The following SARNP variants were observed in gnomAD, a reference collection of about 807,000 sequenced individuals.
SARNP encodes SAP domain-containing ribonucleoprotein.
In SARNP, 5 loss-of-function variants were observed where a neutral mutation model predicts 38.1. The ratio of observed to expected loss-of-function variants is 0.13; its 90% CI spans 0.07 to 0.28. The LOEUF (loss-of-function observed/expected upper bound fraction) is 0.28, where lower values mean the gene tolerates loss of function less well. Among genes scored for constraint, SARNP ranks in the 10% least tolerant of loss-of-function variants. The pLI, the probability that SARNP is intolerant of heterozygous loss-of-function variation, is 1.00. For synonymous variants in SARNP, 84 were observed against 80.6 expected, an observed-to-expected ratio of 1.04 and a Z score of -0.23; for missense variants, 180 against 243.9, an observed-to-expected ratio of 0.74 and a Z score of 1.75.
At chr12:55,807,767 T>TCGTGCCACTGTACTTCCA (rs1880197719) in intron 1 of SARNP, among the ~76,000 whole-genome samples, 1 of 150,392 alleles carries the variant, frequency 6.6e-6, no homozygotes, top group Admixed American at 6.6e-5. Flanking sequence ...TGAGCCGAGA[T>TCGTGCCACTGTACTTCCA]CGTGCCACTG....
At chr12:55,764,220 T>C (rs1230745095) in intron 9 of SARNP, among the ~76,000 whole-genome samples, 1 of 152,122 alleles carries the variant, frequency 6.6e-6, no homozygotes, top group Non-Finnish European at 1.5e-5. Context: ...TTCCATTTGT[T>C]GAGATGTAAT....
At chr12:55,770,301 C>T (rs1032600367) in intron 9 of SARNP, among the ~76,000 whole-genome samples, 5 of 150,758 alleles carry the variant, frequency 3.3e-5, no homozygotes, top group South Asian at 2.1e-4. Flanking sequence ...TCTCAGCTCA[C>T]TGCAAGCTCC....
intron 1 of SARNP, among the ~76,000 whole-genome samples, chr12:55,806,177 T>C (rs1367786908): frequency 6.6e-6 from 1 of 152,174 alleles, no homozygotes; most frequent in African/African-American, 2.4e-5. Flanking sequence ...CTTATGTGAA[T>C]AACTTCACCT....
intron 7 of SARNP, among the ~76,000 whole-genome samples, chr12:55,792,249 A>C (rs956414807): frequency 6.6e-6 from 1 of 152,214 alleles, no homozygotes; most frequent in Admixed American, 6.5e-5. Flanking sequence ...AAGCACAGCA[A>C]AACACTACAA....
intron 9 of SARNP, among the ~76,000 whole-genome samples, chr12:55,783,743 T>C (rs558291436): frequency 6.6e-6 from 1 of 152,126 alleles, no homozygotes; most frequent in Admixed American, 6.5e-5. Flanking sequence ...AAATCTGTAA[T>C]ATGCTGAAGC....
chr12:55,753,951 C>CTT (rs1470611855), downstream of SARNP: 1 of 152,086 alleles, frequency 6.6e-6, no homozygotes, highest in East Asian at 1.9e-4. Flanking sequence ...CAGTAAGACA[C>CTT]TGTCTCTAAA....
At chr12:55,814,638 G>C (rs778292927) in intron 1 of SARNP, among the ~76,000 whole-genome samples, 8 of 152,150 alleles carry the variant, frequency 5.3e-5, no homozygotes, top group Non-Finnish European at 1.2e-4. Context: ...GGGAGGCCAA[G>C]GCAAGAGGAT....
chr12:55,766,619 G>A (rs1311891970), intron 9 of SARNP, among the ~76,000 whole-genome samples: 1 of 88,146 alleles, frequency 1.1e-5, no homozygotes, highest in South Asian at 4.1e-4. Context: ...TTTTTGGCGG[G>A]GGGGGGGGGG....
chr12:55,796,178 T>G (rs1879815777), intron 4 of SARNP, 102 bp from the exon 5 acceptor site: 4 of 794,280 alleles, frequency 5.0e-6, no homozygotes, highest in Non-Finnish European at 8.4e-6. Flanking sequence ...TCTGCCCTAT[T>G]ATCTCTCTGC....
chr12:55,787,752 T>TC (rs976583056), intron 9 of SARNP, among the ~76,000 whole-genome samples: 3 of 150,730 alleles, frequency 2.0e-5, no homozygotes, highest in Non-Finnish European at 4.4e-5. Flanking sequence ...TTTCTTTCTT[T>TC]TTTTTTTTTT....
chr12:55,796,192 C>T, intron 4 of SARNP, 116 bp from the exon 5 acceptor site: 4 of 684,360 alleles, frequency 5.8e-6, no homozygotes, highest in Non-Finnish European at 1.0e-5. Flanking sequence ...TCTCTGCCAC[C>T]CCCTAAGCCA....
intron 9 of SARNP, among the ~76,000 whole-genome samples, chr12:55,775,785 T>C (rs1470494098): frequency 1.3e-5 from 2 of 152,114 alleles, no homozygotes; most frequent in African/African-American, 4.8e-5. Flanking sequence ...TCTTCAGCTA[T>C]CAGTCATGAA....
chr12:55,760,729 G>A (rs947303810), intron 9 of SARNP, 89 bp from the exon 10 acceptor site: 7 of 868,926 alleles, frequency 8.1e-6, no homozygotes, highest in East Asian at 2.4e-5. Context: ...TGGTCACAAG[G>A]TGCTAACCAA....
chr12:55,761,831 C>G (rs1456214493), intron 9 of SARNP: 1 of 152,154 alleles, frequency 6.6e-6, no homozygotes, highest in Non-Finnish European at 1.5e-5. Context: ...GTGTCTTTCC[C>G]CCAGGAAGGA....
At chr12:55,812,176 T>C (rs1004408028) in intron 1 of SARNP, among the ~76,000 whole-genome samples, 1 of 152,210 alleles carries the variant, frequency 6.6e-6, no homozygotes, top group African/African-American at 2.4e-5. Context: ...CTTGTGCTAT[T>C]CCTCTAACAC....
Position 55,757,281 on chromosome 12 carries a change from A to ATT in SARNP, c.*229_*230dup. ...AATAAAACACATTGTTCTCTTTTCTATTTTTTTTTATTAACAAGCAACATA... is the reference window on the plus strand; with the variant it reads ...AATAAAACACATTGTTCTCTTTTCTATTTTTTTTTTTATTAACAAGCAACATA... On this transcript the variant is annotated 3_prime_UTR_variant, in exon 11 of 11. Coordinates refer to ENST00000336133, the MANE Select transcript of SARNP (RefSeq NM_033082.4). 10 of 380,218 alleles carry ATT rather than the reference A, an allele frequency of 2.6e-5. No homozygotes were observed. The highest frequency in any genetic ancestry group is 5.5e-5 in the South Asian group (1 of 18,028). The allele number at this position is 380,218 out of a possible 1,614,324, so 23.6% of individuals were successfully genotyped here. A position where few individuals can be genotyped will look rare whatever the true frequency, so the allele number is the denominator to read the frequency against.
intron 1 of SARNP, among the ~76,000 whole-genome samples, chr12:55,805,472 G>A (rs553803414): frequency 1.3e-5 from 2 of 152,318 alleles, no homozygotes; most frequent in Admixed American, 6.5e-5. Context: ...AGCACTCTGG[G>A]AGGCCAAGGC....
intron 2 of SARNP, among the ~76,000 whole-genome samples, 189 bp downstream of exon 2, chr12:55,803,440 C>T (rs567695833): frequency 1.3e-5 from 2 of 150,976 alleles, no homozygotes; most frequent in East Asian, 1.9e-4. Flanking sequence ...GCTGAAACTG[C>T]GTCACTGCAC....
intron 1 of SARNP, among the ~76,000 whole-genome samples, chr12:55,808,853 A>G (rs1234655304): frequency 2.0e-5 from 3 of 152,212 alleles, no homozygotes; most frequent in Non-Finnish European, 4.4e-5. Flanking sequence ...GCACAATTAC[A>G]TTAGCAGAAC....
Sources: allele counts gnomAD v4.1 joint callset (sites outside exome capture counted in the v4.1 genomes callset), GRCh38; gene constraint gnomAD v4.1.1; transcripts MANE v1.5; gene names NCBI Gene and HGNC (gene_info 2026-07-23, HGNC 2026-07-21).